SZT2: variants seen among roughly 807,000 people sequenced by gnomAD.
The protein encoded by SZT2 is SZT2 subunit of KICSTOR complex.
SZT2 carries 216 observed loss-of-function variants against 404.2 expected under a neutral mutation model. That is an observed-to-expected ratio of 0.53 (90% CI 0.48 to 0.60). SZT2 has a LOEUF of 0.60. Ranked by LOEUF, SZT2 falls within the 20% of genes least tolerant of loss-of-function variation. SZT2 has a pLI of 0.00. For missense variants in SZT2, 3,857 were observed against 4,459.2 expected, an observed-to-expected ratio of 0.86 and a Z score of 3.85; for synonymous variants, 1,693 against 1,749.9, an observed-to-expected ratio of 0.97 and a Z score of 0.81.
In SZT2 at chr1:43,404,000, A is replaced by T; in HGVS notation, c.327+226A>T. The T allele has an allele frequency of 7.0e-6, 4 of 570,132 alleles. No homozygotes were observed. In the Admixed American group the frequency reaches 1.2e-4, roughly 17 times the overall value. 35.3% of individuals were successfully genotyped at this position (570,132 alleles called of 1,614,324 possible). ...CAAGGCGGGCTGATTACTCGAGCTC[A>T]GGAGTTCGAGACTAGCCTGGGCCAC... On this transcript the variant is annotated intron_variant, in intron 3 of 71. Transcript: ENST00000634258.
At chr1:43,409,577 G>A in intron 4 of SZT2, 2 of 252,050 alleles carry the variant, frequency 7.9e-6, no homozygotes, top group South Asian at 3.9e-5. Flanking sequence ...AAAGTTGCAA[G>A]ATACAAAATC....
intron 28 of SZT2, chr1:43,429,283 A>C (rs1653567125): frequency 5.7e-6 from 1 of 176,332 alleles, no homozygotes; most frequent in Non-Finnish European, 1.2e-5. Context: ...CTGTAATCCC[A>C]ACACTTTGGG....
At chr1:43,421,604 A>G (rs1652371778) in intron 11 of SZT2, among the ~76,000 whole-genome samples, 1 of 152,226 alleles carries the variant, frequency 6.6e-6, no homozygotes, top group South Asian at 2.1e-4. Flanking sequence ...TCCACGTGAC[A>G]TACTCTGGGC....
rs1351057818 is a variant in SZT2 at position 43,424,413 on chromosome 1, C to T, written c.2452C>T (p.Leu818Phe). 4 of 1,597,766 alleles carry T rather than the reference C, an allele frequency of 2.5e-6. No individual in the cohort carries two copies. In the African/African-American group the frequency reaches 5.3e-5, roughly 21 times the overall value. ...PALPLSAIAQ[L>F]LSILTEVRLS... ...GCTGCCTCTCAGTGCCATTGCCCAG[C>T]TCCTCTCCATCCTCACTGAGTATGT... Residue 818 changes from leucine to phenylalanine, a missense_variant, in exon 16 of 72, where the codon CTC becomes TTC. By Grantham distance (22) the Leu-to-Phe change is conservative (BLOSUM62 0). Coordinates refer to ENST00000634258, the MANE Select transcript of SZT2 (RefSeq NM_001365999.1). This position sits in a 1 kb window ranked among gnomAD's most constrained non-coding sequence, Gnocchi z 4.1.
chr1:43,422,766 C>A lies in SZT2; in HGVS notation c.1923-3C>A, dbSNP rs746097183. 6.3e-7 allele frequency: 1 copy of A among 1,578,426 alleles called. No individual in the cohort carries two copies. The highest frequency in any genetic ancestry group is 2.3e-5 in the East Asian group (1 of 43,800). On this transcript the variant is annotated splice_region_variant and splice_polypyrimidine_tract_variant and intron_variant, in intron 13 of 71. Transcript: ENST00000634258. ...CTGCTCACTGACTCCCATTTCTCCC[C>A]AGTGCCCCAGACCAGCCCCCCAATT...
Position 43,440,468 on chromosome 1 carries a change from G to C in SZT2, c.7226G>C (p.Gly2409Ala). Residue 2409 changes from glycine to alanine, a missense_variant, in exon 52 of 72, where the codon GGA (glycine) becomes GCA (alanine). Physicochemically the swap from Gly to Ala is moderately conservative, Grantham distance 60. Around this residue, in one of 7 missense-constraint regions of SZT2, gnomAD observed 573 missense variants for 592.4 expected, o/e 0.97. Transcript: ENST00000634258. ...EDTPTGSLRN[G>A]SLETKSSAGR... Reference sequence around the variant, plus strand: ...ATGTCCACAGGAAGTCTCAGGAACGGATCGTTGGAAACTAAGAGCTCTGCA... The same window carrying C: ...ATGTCCACAGGAAGTCTCAGGAACGCATCGTTGGAAACTAAGAGCTCTGCA... The C allele has an allele frequency of 1.9e-6, 3 of 1,600,860 alleles. No individual in the cohort carries two copies. Among genetic ancestry groups the C allele is most frequent in the South Asian group, 2.2e-5 (2 of 89,236 alleles).
chr1:43,440,863 C>CT (rs1439751776), intron 52 of SZT2, among the ~76,000 whole-genome samples: 1 of 152,218 alleles, frequency 6.6e-6, no homozygotes, highest in African/African-American at 2.4e-5. Flanking sequence ...CACAAACACT[C>CT]TGTCTCAAAA....
chr1:43,432,184 G>A, intron 36 of SZT2, 88 bp from the exon 37 acceptor site: 1 of 1,381,888 alleles, frequency 7.2e-7, no homozygotes, highest in Non-Finnish European at 9.9e-7. Flanking sequence ...TTACCAGGTA[G>A]TTAGGAGCGT....
In SZT2 at chr1:43,420,353, C is replaced by T; in HGVS notation, c.1261+30C>T. The T allele has an allele frequency of 6.5e-7, 1 of 1,527,550 alleles. No individual in the cohort carries two copies. Among genetic ancestry groups the T allele is most frequent in the African/African-American group, 1.4e-5 (1 of 72,928 alleles). The allele number at this position is 1,527,550 out of a possible 1,614,324, so 94.6% of individuals were successfully genotyped here. A position where few individuals can be genotyped will look rare whatever the true frequency, so the allele number is the denominator to read the frequency against. ...GGGTCATTAGGCCCTGCTGTAATCC[C>T]ATAGATCTCTCAAGAATTTGTGTGT... On this transcript the variant is annotated intron_variant, in intron 9 of 71. Transcript: ENST00000634258. This position sits in a 1 kb window ranked among gnomAD's most constrained non-coding sequence, Gnocchi z 5.1.
At chr1:43,415,302 C>CA in intron 5 of SZT2, 89 bp downstream of exon 5, 1 of 1,489,936 alleles carries the variant, frequency 6.7e-7, no homozygotes, top group Non-Finnish European at 9.0e-7. Context: ...CCAAATAGGG[C>CA]AAAAAAGGGC....
Position 43,428,456 on chromosome 1 carries a change from G to A in SZT2, c.4136G>A (p.Arg1379Gln), listed in dbSNP as rs755722250. ...AGCATGGAGGAGGGTGCTGAACCTC[G>A]GGAACGAGCTATCCTAGCTTCTGAA... Reference protein sequence around the residue: ...SSSMEEGAEPRERAILASESS... With the variant: ...SSSMEEGAEPQERAILASESS... Residue 1379 changes from arginine (R) to glutamine (Q), a missense_variant, in exon 28 of 72, where the codon CGG becomes CAG. Arg to Gln is a conservative substitution (Grantham distance 43). Around this residue, in one of 7 missense-constraint regions of SZT2, gnomAD observed 1,725 missense variants for 1,881.0 expected, o/e 0.92. Transcript: ENST00000634258. The A allele has an allele frequency of 9.9e-6, 16 of 1,614,044 alleles. No homozygotes were observed. Among genetic ancestry groups the A allele is most frequent in the African/African-American group, 1.3e-5 (1 of 75,048 alleles).
Position 43,453,583 on chromosome 1 carries a change from C to T in SZT2, c.*3103C>T, listed in dbSNP as rs1260350163. ...CCCCCAGCCCTCCCAGCCCTCCCGGCCCGCGACGCACCCGGGGGCGTGTTG... is the reference window on the plus strand; with the variant it reads ...CCCCCAGCCCTCCCAGCCCTCCCGGTCCGCGACGCACCCGGGGGCGTGTTG... On this transcript the variant is annotated 3_prime_UTR_variant, in exon 72 of 72. Transcript: ENST00000634258. 6.6e-7 allele frequency: 1 copy of T among 1,520,152 alleles called. No individual in the cohort carries two copies. The highest frequency in any genetic ancestry group is 8.8e-7 in the Non-Finnish European group (1 of 1,132,740). 94.2% of individuals were successfully genotyped at this position (1,520,152 alleles called of 1,614,324 possible). A position where few individuals can be genotyped will look rare whatever the true frequency, so the allele number is the denominator to read the frequency against.
At chr1:43,399,411 A>G (rs1482325680) in intron 1 of SZT2, among the ~76,000 whole-genome samples, 1 of 148,900 alleles carries the variant, frequency 6.7e-6, no homozygotes, top group East Asian at 2.0e-4. Context: ...CATCTCCCCT[A>G]GTTGTTAGTC....
At position 43,439,540 on chromosome 1, in the gene SZT2, G is replaced by C; in HGVS notation, c.6878-65G>C. The C allele has an allele frequency of 6.2e-7, 1 of 1,606,478 alleles. No homozygotes were observed. Among genetic ancestry groups the C allele is most frequent in the East Asian group, 2.2e-5 (1 of 44,820 alleles). On this transcript the variant is annotated intron_variant, in intron 49 of 71. Transcript: ENST00000634258. This position sits in a 1 kb window ranked among gnomAD's most constrained non-coding sequence, Gnocchi z 4.2. ...ACATTTCCCAGGCTTGCAGCTGAGTGGAGGGTCGTGGGAGGGGTGGTCTGC... is the reference window on the plus strand; with the variant it reads ...ACATTTCCCAGGCTTGCAGCTGAGTCGAGGGTCGTGGGAGGGGTGGTCTGC...
At chr1:43,394,838 C>T (rs539688142) in intron 1 of SZT2, among the ~76,000 whole-genome samples, 1 of 149,858 alleles carries the variant, frequency 6.7e-6, no homozygotes, top group African/African-American at 2.5e-5. Flanking sequence ...GAGATGGTGC[C>T]ATTGCACTGT....
In SZT2 at chr1:43,439,168, C is replaced by T; in HGVS notation, c.6792+75C>T. ...GCCCCACGCACTTACTCTTTCCTAC[C>T]GATACCCCTATATGTACCTTTGCCC... On this transcript the variant is annotated intron_variant, in intron 48 of 71. Transcript: ENST00000634258. The surrounding 1 kb of genome is among the most constrained non-coding windows in gnomAD (Gnocchi z 4.2). 3.1e-6 allele frequency: 5 copies of T among 1,595,498 alleles called. No individual in the cohort carries two copies. Among genetic ancestry groups the T allele is most frequent in the African/African-American group, 1.3e-5 (1 of 74,812 alleles).
Position 43,448,375 on chromosome 1 carries a change from C to T in SZT2, c.9860C>T (p.Pro3287Leu). 6.4e-7 allele frequency: 1 copy of T among 1,559,596 alleles called. No individual in the cohort carries two copies. The highest frequency in any genetic ancestry group is 8.7e-7 in the Non-Finnish European group (1 of 1,151,726). The change falls in exon 69 of 72, where the codon CCA becomes CTA. Residue 3287 changes from proline to leucine, a missense_variant. Physicochemically the swap from Pro to Leu is moderately conservative, Grantham distance 98. Transcript: ENST00000634258. This position sits in a 1 kb window ranked among gnomAD's most constrained non-coding sequence, Gnocchi z 4.2. ...TLWKRLFLLEPPGPDRLRLGG... is the reference protein window; with the variant it reads ...TLWKRLFLLELPGPDRLRLGG... Reference sequence around the variant, plus strand: ...TGGAAGCGCCTCTTCTTGCTGGAGCCACCGGGGCCTGATCGACTGCGGCTA... The same window carrying T: ...TGGAAGCGCCTCTTCTTGCTGGAGCTACCGGGGCCTGATCGACTGCGGCTA...
In SZT2 at chr1:43,424,836, A is replaced by G; in HGVS notation, c.2524A>G (p.Asn842Asp). The G allele has an allele frequency of 6.2e-7, 1 of 1,614,084 alleles. No homozygotes were observed. The highest frequency in any genetic ancestry group is 8.5e-7 in the Non-Finnish European group (1 of 1,179,960). The change falls in exon 17 of 72, where the codon AAC becomes GAC. Residue 842 changes from asparagine to aspartate, a missense_variant. This residue lies in a region of SZT2 where 1,725 missense variants were observed against 1,881.0 expected (regional missense o/e 0.92). Coordinates refer to ENST00000634258, the MANE Select transcript of SZT2 (RefSeq NM_001365999.1). The surrounding 1 kb of genome is among the most constrained non-coding windows in gnomAD (Gnocchi z 4.1). ...HFACSGEGII[N>D]MVLELPIQNE... ...CGCCTGCAGTGGGGAAGGAATCATC[A>G]ACATGGTTCTGGAGCTTCCAATTCA...
rs774726886 is a variant in SZT2, at chr1:43,427,428, G to A, written c.3581G>A (p.Ser1194Asn). The A allele has an allele frequency of 4.3e-6, 7 of 1,613,092 alleles. No homozygotes were observed. The highest frequency in any genetic ancestry group is 1.1e-5 in the South Asian group (1 of 90,978). ...ACAAAGTCCCACGTCCCTGTCCTCA[G>A]TGTGACCCTGGCTAGTGGTAAGGCT... ...KATKSHVPVL[S>N]VTLASDNAQN... The change falls in exon 25 of 72, where the codon AGT (serine) becomes AAT (asparagine). Residue 1194 changes from serine (S) to asparagine (N), a missense_variant. Around this residue, in one of 7 missense-constraint regions of SZT2, gnomAD observed 1,725 missense variants for 1,881.0 expected, o/e 0.92. Coordinates refer to ENST00000634258, the MANE Select transcript of SZT2 (RefSeq NM_001365999.1).
Sources: allele counts gnomAD v4.1 joint callset (sites outside exome capture counted in the v4.1 genomes callset), GRCh38; gene constraint gnomAD v4.1.1; regional missense constraint gnomAD v4.1.1; non-coding constraint Gnocchi (gnomAD v3.1); transcripts MANE v1.5; gene names NCBI Gene and HGNC (gene_info 2026-07-23, HGNC 2026-07-21).